Variants in SNX29 observed in about 807,000 individuals in gnomAD.
SNX29 encodes the protein sorting nexin-29.
Under a neutral mutation model 102.1 loss-of-function variants are expected in SNX29, and 78 were observed. The observed-to-expected ratio is 0.76, with a 90% CI of 0.64 to 0.92. The LOEUF (loss-of-function observed/expected upper bound fraction) is 0.92, where lower values mean the gene tolerates loss of function less well. SNX29 is among the 40% of genes least tolerant of loss of function. The pLI is 0.00. For missense variants in SNX29, 1,280 were observed against 1,061.7 expected, an observed-to-expected ratio of 1.21 and a Z score of -2.86; for synonymous variants, 580 against 414.5, an observed-to-expected ratio of 1.40 and a Z score of -4.85.
chr16:12,194,034 TG>T (rs1323971980), intron 13 of SNX29, among the ~76,000 whole-genome samples: 18 of 152,214 alleles, frequency 1.2e-4, no homozygotes, highest in Admixed American at 1.1e-3. Flanking sequence ...GAAATCCTGC[TG>T]GGATTTTGAT....
At chr16:12,560,544 T>C (rs1197632450) in intron 20 of SNX29, among the ~76,000 whole-genome samples, 1 of 152,106 alleles carries the variant, frequency 6.6e-6, no homozygotes, top group Non-Finnish European at 1.5e-5. Context: ...CTATTTCTGG[T>C]TGAAACGTTG....
Position 12,314,667 on chromosome 16 carries a change from G to A in SNX29, c.1782+36631G>A, listed in dbSNP as rs889171397. ...AGCATCTTCTTTCCTGTGAGCTTTT[G>A]CAACTGAGGTTCTTTGATTCTACAG... is the stretch of plus-strand genomic sequence containing the variant. On this transcript the variant is annotated intron_variant, in intron 15 of 20. Transcript: ENST00000566228. 4.6e-5 allele frequency among the ~76,000 whole-genome samples: 7 copies of A among 152,218 alleles called. No homozygotes were observed. The East Asian group carries it at 1.2e-3, about 25-fold the overall frequency.
chr16:12,105,227 C>CCCTTCCTT (rs35638104), intron 11 of SNX29, among the ~76,000 whole-genome samples: 27 of 105,734 alleles, frequency 2.6e-4, no homozygotes, highest in Middle Eastern at 9.3e-3. Context: ...CTCCCTCCCT[C>CCCTTCCTT]CCTTCCTTCC....
chr16:12,129,284 T>C (rs2054351031), intron 12 of SNX29, among the ~76,000 whole-genome samples: 1 of 152,192 alleles, frequency 6.6e-6, no homozygotes, highest in African/African-American at 2.4e-5. Context: ...AATGGTCTCA[T>C]TGTAATGTGC....
intron 18 of SNX29, among the ~76,000 whole-genome samples, chr16:12,410,103 T>G (rs1303283118): frequency 1.3e-5 from 2 of 152,136 alleles, no homozygotes; most frequent in Non-Finnish European, 2.9e-5. Flanking sequence ...CAAGTGATTC[T>G]CCTGCCTCAG....
intron 16 of SNX29, among the ~76,000 whole-genome samples, chr16:12,371,421 C>A (rs11649383): frequency 6.6e-6 from 1 of 151,414 alleles, no homozygotes; most frequent in African/African-American, 2.4e-5. Context: ...CTTCAGGCTC[C>A]GGAGAAGCTG....
intron 18 of SNX29, among the ~76,000 whole-genome samples, chr16:12,434,273 G>C (rs12932170): frequency 0.6 from 90,735 of 151,976 alleles, 27,197 homozygotes; most frequent in East Asian, 0.68. Context: ...ACCAGAGTGT[G>C]TACAAAGTAG....
At chr16:12,395,444 C>T (rs1324469268) in intron 16 of SNX29, among the ~76,000 whole-genome samples, 1 of 152,218 alleles carries the variant, frequency 6.6e-6, no homozygotes, top group East Asian at 1.9e-4. Flanking sequence ...CTTGTGTGTA[C>T]AGCACCGAGG....
chr16:12,140,006 G>GAAAAAAAAAAAAAA (rs2054813675), intron 13 of SNX29, among the ~76,000 whole-genome samples: 1 of 121,864 alleles, frequency 8.2e-6, no homozygotes. Flanking sequence ...AAAAAAAAAG[G>GAAAAAAAAAAAAAA]AAAAGGAATC....
intron 10 of SNX29, among the ~76,000 whole-genome samples, chr16:12,077,708 T>A (rs112485371): frequency 6.6e-6 from 1 of 151,878 alleles, no homozygotes. Context: ...GCAACCTCTG[T>A]TTCCTGGGTT....
chr16:12,325,780 G>C (rs1260551364), intron 15 of SNX29, among the ~76,000 whole-genome samples: 1 of 152,038 alleles, frequency 6.6e-6, no homozygotes, highest in Non-Finnish European at 1.5e-5. Flanking sequence ...TGATCCCAAT[G>C]TTTTGAGGGT....
At chr16:12,534,373 CT>C (rs2077013811) in intron 20 of SNX29, among the ~76,000 whole-genome samples, 1 of 152,218 alleles carries the variant, frequency 6.6e-6, no homozygotes, top group Non-Finnish European at 1.5e-5. Flanking sequence ...CCTCTCACAC[CT>C]TCTCTGTGGC....
intron 15 of SNX29, among the ~76,000 whole-genome samples, chr16:12,350,393 A>C (rs1380415783): frequency 6.6e-6 from 1 of 152,184 alleles, no homozygotes; most frequent in Non-Finnish European, 1.5e-5. Context: ...AGTATACAGG[A>C]GGAGGTGTGT....
chr16:12,556,087 TCTG>T (rs1174037021), intron 20 of SNX29, among the ~76,000 whole-genome samples: 1 of 152,186 alleles, frequency 6.6e-6, no homozygotes, highest in Admixed American at 6.5e-5. Flanking sequence ...AGAATTAATT[TCTG>T]CTTTCATTGA....
chr16:12,450,114 TCTTC>T (rs1290211424), intron 18 of SNX29, among the ~76,000 whole-genome samples: 4 of 152,222 alleles, frequency 2.6e-5, no homozygotes, highest in African/African-American at 9.6e-5. Context: ...GTGGCTTTGC[TCTTC>T]CTTTGTCTTC....
At chr16:12,105,214 TCCC>T (rs2053182208) in intron 11 of SNX29, among the ~76,000 whole-genome samples, 2 of 119,082 alleles carry the variant, frequency 1.7e-5, no homozygotes, top group Admixed American at 8.7e-5. Context: ...CCTCCCTCCC[TCCC>T]TCCCTCCCTC....
chr16:12,256,744 C>T (rs1017040188), intron 14 of SNX29, among the ~76,000 whole-genome samples: 4 of 152,150 alleles, frequency 2.6e-5, no homozygotes, highest in Non-Finnish European at 5.9e-5. Context: ...AGACAGAGTT[C>T]CTGGGTACGT....
intron 16 of SNX29, among the ~76,000 whole-genome samples, chr16:12,371,884 C>G (rs1025741611): frequency 6.6e-5 from 10 of 152,208 alleles, no homozygotes; most frequent in African/African-American, 2.4e-4. Context: ...AGTCCTGTCC[C>G]TCAGCATTTG....
intron 14 of SNX29, among the ~76,000 whole-genome samples, chr16:12,263,092 TTATTA>T (rs947647904): frequency 6.6e-6 from 1 of 152,116 alleles, no homozygotes; most frequent in African/African-American, 2.4e-5. Context: ...ACTGACATTG[TTATTA>T]TTGTCATGTC....
Sources: allele counts gnomAD v4.1 joint callset (sites outside exome capture counted in the v4.1 genomes callset), GRCh38; gene constraint gnomAD v4.1.1; transcripts MANE v1.5; gene names NCBI Gene and HGNC (gene_info 2026-07-23, HGNC 2026-07-21).